NFKB1: variants seen among roughly 807,000 people sequenced by gnomAD.
NFKB1 encodes nuclear factor kappa B subunit 1, also known as nuclear factor NF-kappa-B p105 subunit.
NFKB1 carries 9 observed loss-of-function variants against 105.1 expected under a neutral mutation model. The ratio of observed to expected loss-of-function variants is 0.09; its 90% CI spans 0.05 to 0.15. The LOEUF is 0.15. NFKB1 is among the 10% of genes least tolerant of loss of function. The pLI, the probability that NFKB1 is intolerant of heterozygous loss-of-function variation, is 1.00. For missense variants in NFKB1, 830 were observed against 1,203.7 expected (o/e 0.69, Z 4.59); for synonymous variants, 440 against 442.2 (o/e 1.00, Z 0.06).
rs1393125203 is a variant in NFKB1, at chr4:102,562,568, C to T, written c.259-4419C>T. Among the ~76,000 whole-genome samples the T allele has an allele frequency of 3.4e-4, 51 of 152,230 alleles. 1 individual carries two copies. Among genetic ancestry groups the T allele is most frequent in the Non-Finnish European group, 5.9e-5 (4 of 68,008 alleles). The stretch of plus-strand genomic sequence containing the variant: ...GAGAGAGGATTTATATTTGGGATTG[C>T]TAATCCCATTAAGTGCCAAGCACTG... On this transcript the variant is annotated intron_variant, in intron 5 of 23. Transcript: ENST00000226574.
chr4:102,558,451 A>C (rs1313873422), intron 5 of NFKB1, among the ~76,000 whole-genome samples: 3 of 152,166 alleles, frequency 2.0e-5, no homozygotes, highest in African/African-American at 7.2e-5. Flanking sequence ...AAAAAAGAGT[A>C]CAGTTATCTC....
chr4:102,501,524 G>A lies in NFKB1; in HGVS notation c.-272G>A, dbSNP rs1739013159. Reference sequence around the variant, plus strand: ...CCCGCTCCCGGAGCCCAGCGCCGCCGAGGCCGCAGCCGCCCGGCCAGTAAG... The same window carrying A: ...CCCGCTCCCGGAGCCCAGCGCCGCCAAGGCCGCAGCCGCCCGGCCAGTAAG... On this transcript the variant is annotated 5_prime_UTR_variant, in exon 1 of 24. Coordinates refer to ENST00000226574, the MANE Select transcript of NFKB1 (RefSeq NM_003998.4). 6.7e-6 allele frequency: 1 copy of A among 148,400 alleles called. No homozygotes were observed. The highest frequency in any genetic ancestry group is 2.4e-5 in the African/African-American group (1 of 41,002). 9.2% of individuals were successfully genotyped at this position (148,400 alleles called of 1,614,324 possible).
At chr4:102,606,143 A>G (rs1178389951) in intron 16 of NFKB1, among the ~76,000 whole-genome samples, 3 of 152,222 alleles carry the variant, frequency 2.0e-5, no homozygotes, top group African/African-American at 7.2e-5. Context: ...AAGTATATGA[A>G]GTGATGGATT....
At chr4:102,511,627 G>A (rs749218952) in intron 1 of NFKB1, among the ~76,000 whole-genome samples, 3 of 152,060 alleles carry the variant, frequency 2.0e-5, no homozygotes, top group Non-Finnish European at 2.9e-5. Context: ...AGTGAGCAGC[G>A]ATTGTGCCAC....
In NFKB1 at chr4:102,616,515, C is replaced by A. The variant is rs143882681; in HGVS notation, c.2831C>A (p.Thr944Asn). ...FRKLSFTESL[T>N]SGASLLTLNK... ...AAACTCAGCTTTACCGAGTCTCTGACCAGTGGTGCCTCACTGCTAACTCTC... is the reference window on the plus strand; with the variant it reads ...AAACTCAGCTTTACCGAGTCTCTGAACAGTGGTGCCTCACTGCTAACTCTC... Residue 944 changes from threonine to asparagine, a missense_variant, in exon 24 of 24, where the codon ACC (threonine) becomes AAC (asparagine). Transcript: ENST00000226574. The A allele has an allele frequency of 6.4e-4, 1,036 of 1,613,976 alleles. No homozygotes were observed. The highest frequency in any genetic ancestry group is 8.3e-4 in the Non-Finnish European group (983 of 1,180,014).
intron 5 of NFKB1, among the ~76,000 whole-genome samples, chr4:102,565,702 C>A (rs1578769560): frequency 6.6e-6 from 1 of 152,060 alleles, no homozygotes; most frequent in Non-Finnish European, 1.5e-5. Flanking sequence ...TCCGTCCCAT[C>A]GTTCCTTCCT....
intron 10 of NFKB1, 52 bp from the exon 11 acceptor site, chr4:102,584,627 CAAA>C (rs10711129): frequency 6.7e-4 from 885 of 1,322,832 alleles, no homozygotes; most frequent in South Asian, 1.7e-3. Flanking sequence ...AGCATTACTG[CAAA>C]AAAAAAAAAA....
chr4:102,582,989 T>G (rs777736942), intron 10 of NFKB1, 32 bp downstream of exon 10: 11 of 1,460,596 alleles, frequency 7.5e-6, no homozygotes, highest in South Asian at 1.2e-5. Flanking sequence ...TTAATCCTTA[T>G]TATTTTTAGA....
At chr4:102,517,281 T>C (rs1740255908) in intron 1 of NFKB1, among the ~76,000 whole-genome samples, 1 of 152,186 alleles carries the variant, frequency 6.6e-6, no homozygotes, top group African/African-American at 2.4e-5. Context: ...CACCTTATAA[T>C]ATATAGCCCT....
chr4:102,562,210 GC>G (rs1723496190), intron 5 of NFKB1, among the ~76,000 whole-genome samples: 1 of 152,062 alleles, frequency 6.6e-6, no homozygotes, highest in Admixed American at 6.6e-5. Flanking sequence ...CCACCCCCTT[GC>G]CTGGTTATAC....
In NFKB1 at chr4:102,582,881, G is replaced by A; in HGVS notation, c.851G>A (p.Arg284Gln). 1.2e-6 allele frequency: 2 copies of A among 1,611,080 alleles called. No homozygotes were observed. Among genetic ancestry groups the A allele is most frequent in the Non-Finnish European group, 1.7e-6 (2 of 1,177,958 alleles). Residue 284 changes from arginine (R) to glutamine (Q), a missense_variant, in exon 10 of 24, where the codon CGA becomes CAA. Around this residue, in one of 8 missense-constraint regions of NFKB1, gnomAD observed 42 missense variants for 145.7 expected, o/e 0.29. Transcript: ENST00000226574. ...TTGTTTGCAGATGACATCCAGATTC[G>A]ATTTTATGAAGAGGAAGAAAATGGT... Reference protein sequence around the residue: ...DKVQKDDIQIRFYEEEENGGV... With the variant: ...DKVQKDDIQIQFYEEEENGGV...
chr4:102,609,576 C>T (rs922118715), intron 19 of NFKB1, among the ~76,000 whole-genome samples: 10 of 138,266 alleles, frequency 7.2e-5, no homozygotes, highest in Admixed American at 2.4e-4. Context: ...TGCGCCATTG[C>T]ACTCCAGCCT....
At chr4:102,586,590 A>G (rs139242474) in intron 11 of NFKB1, among the ~76,000 whole-genome samples, 60 of 152,316 alleles carry the variant, frequency 3.9e-4, no homozygotes, top group African/African-American at 1.4e-3. Flanking sequence ...GAGTCTGTGG[A>G]TAGAAATGTA....
chr4:102,525,799 G>A (rs924706938), intron 2 of NFKB1, among the ~76,000 whole-genome samples: 1 of 152,138 alleles, frequency 6.6e-6, no homozygotes, highest in Admixed American at 6.5e-5. Flanking sequence ...GATAGCTATT[G>A]TATTAGCTTT....
chr4:102,610,765 C>A (rs1438076457), intron 20 of NFKB1, 66 bp downstream of exon 20: 4 of 1,570,762 alleles, frequency 2.5e-6, no homozygotes, highest in East Asian at 2.3e-5. Flanking sequence ...AATGTAAGAA[C>A]AGATGGTCTT....
At chr4:102,564,505 A>G (rs1050291399) in intron 5 of NFKB1, among the ~76,000 whole-genome samples, 12 of 152,208 alleles carry the variant, frequency 7.9e-5, no homozygotes, top group Non-Finnish European at 1.5e-4. Context: ...AAACCAGATG[A>G]TGCGATGCTG....
At chr4:102,503,763 C>A (rs1328487829) in intron 1 of NFKB1, among the ~76,000 whole-genome samples, 4 of 152,092 alleles carry the variant, frequency 2.6e-5, no homozygotes, top group Non-Finnish European at 5.9e-5. Context: ...CTGAAATAGG[C>A]AGAATTTTAG....
At chr4:102,537,273 A>G (rs1741704516) in intron 4 of NFKB1, among the ~76,000 whole-genome samples, 1 of 152,182 alleles carries the variant, frequency 6.6e-6, no homozygotes, top group African/African-American at 2.4e-5. Flanking sequence ...CTTGAGCTTG[A>G]CCATATTAAT....
chr4:102,504,996 C>T (rs1739334747), intron 1 of NFKB1, among the ~76,000 whole-genome samples: 1 of 152,098 alleles, frequency 6.6e-6, no homozygotes, highest in Admixed American at 6.5e-5. Flanking sequence ...TATCCAGTGC[C>T]TCACTTTTAG....
Sources: allele counts gnomAD v4.1 joint callset (sites outside exome capture counted in the v4.1 genomes callset), GRCh38; gene constraint gnomAD v4.1.1; regional missense constraint gnomAD v4.1.1; transcripts MANE v1.5; gene names NCBI Gene and HGNC (gene_info 2026-07-23, HGNC 2026-07-21).